The following CDH22 variants were observed in gnomAD, a reference collection of about 807,000 sequenced individuals.
CDH22 encodes cadherin 22, also known as cadherin-22.
A neutral mutation model predicts 58.4 loss-of-function variants in CDH22; 30 were observed. That is an observed-to-expected ratio of 0.51 (90% CI 0.38 to 0.70). CDH22 has a LOEUF of 0.70. Among genes scored for constraint, CDH22 ranks in the 30% least tolerant of loss-of-function variants. The pLI is 0.00. For missense variants in CDH22, 1,014 were observed against 1,233.9 expected, an observed-to-expected ratio of 0.82 and a Z score of 2.67; for synonymous variants, 513 against 558.2, an observed-to-expected ratio of 0.92 and a Z score of 1.14.
intron 3 of CDH22, among the ~76,000 whole-genome samples, chr20:46,238,169 A>T (rs2086266982): frequency 6.6e-6 from 1 of 152,066 alleles, no homozygotes; most frequent in Admixed American, 6.5e-5. Flanking sequence ...AGTCCTTCAG[A>T]TGGGGCTCCT....
chr20:46,181,756 T>TTCC (rs1410990843), intron 10 of CDH22, among the ~76,000 whole-genome samples: 429 of 27,586 alleles, frequency 0.016, 2 homozygotes, highest in Middle Eastern at 0.059. Flanking sequence ...TCCTTCCTTC[T>TTCC]TTCTTTCTTT....
At chr20:46,203,733 C>A (rs2085978404) in intron 7 of CDH22, among the ~76,000 whole-genome samples, 1 of 152,150 alleles carries the variant, frequency 6.6e-6, no homozygotes, top group Non-Finnish European at 1.5e-5. Flanking sequence ...GGAGTCCCCC[C>A]AACCCAGTGT....
intron 1 of CDH22, among the ~76,000 whole-genome samples, chr20:46,280,774 C>T (rs1286122764): frequency 6.6e-6 from 1 of 152,254 alleles, no homozygotes; most frequent in Non-Finnish European, 1.5e-5. Flanking sequence ...TTGCAGGTTG[C>T]TGCGGGCAAA....
intron 3 of CDH22, among the ~76,000 whole-genome samples, chr20:46,240,047 A>G (rs1414039513): frequency 1.3e-5 from 2 of 151,528 alleles, no homozygotes; most frequent in South Asian, 2.1e-4. Context: ...ATACCCAGGT[A>G]AGTGCAACTG....
Position 46,186,891 on chromosome 20 carries a change from C to A in CDH22, c.1480G>T (p.Asp494Tyr). ...SLRIRILDVNDNPPELATPYE... is the reference protein window; with the variant it reads ...SLRIRILDVNYNPPELATPYE... Reference sequence around the variant, plus strand: ...GGTGTGGCCAGTTCTGGGGGATTGTCGTTCACATCCAGGATTCGGATCCTT... The same window carrying A: ...GGTGTGGCCAGTTCTGGGGGATTGTAGTTCACATCCAGGATTCGGATCCTT... Residue 494 changes from aspartate to tyrosine, a missense_variant, in exon 9 of 12, where the codon GAC becomes TAC. This residue lies in a region of CDH22 where 806 missense variants were observed against 1,038.7 expected (regional missense o/e 0.78). Coordinates refer to ENST00000537909, the MANE Select transcript of CDH22 (RefSeq NM_021248.3). 1 of 1,611,906 alleles carries A rather than the reference C, an allele frequency of 6.2e-7. No homozygotes were observed. Among genetic ancestry groups the A allele is most frequent in the Non-Finnish European group, 8.5e-7 (1 of 1,178,936 alleles).
At chr20:46,307,982 G>C (rs2059031635) in intron 1 of CDH22, among the ~76,000 whole-genome samples, 1 of 151,838 alleles carries the variant, frequency 6.6e-6, no homozygotes, top group Non-Finnish European at 1.5e-5. Context: ...AGGTTGTGGG[G>C]ACGGGTGGGA....
At chr20:46,306,889 C>A (rs148166185) in intron 1 of CDH22, among the ~76,000 whole-genome samples, 2 of 152,116 alleles carry the variant, frequency 1.3e-5, no homozygotes, top group Admixed American at 1.3e-4. Flanking sequence ...GACAGAGAGT[C>A]GCGGTGGTTA....
chr20:46,305,023 C>A (rs2086668066), intron 1 of CDH22, among the ~76,000 whole-genome samples: 1 of 152,230 alleles, frequency 6.6e-6, no homozygotes, highest in Admixed American at 6.5e-5. Flanking sequence ...GGACAGTCAA[C>A]AACCTGCCCA....
intron 3 of CDH22, 44 bp from the exon 4 acceptor site, chr20:46,227,671 C>T (rs573813430): frequency 3.6e-5 from 57 of 1,572,124 alleles, no homozygotes; most frequent in Non-Finnish European, 3.9e-5. Flanking sequence ...TCTGGGGCTG[C>T]GGAGCTCGTT....
chr20:46,223,666 CTTCTTTCTTTCTTTCT>C (rs369876048), intron 4 of CDH22, among the ~76,000 whole-genome samples: 2,186 of 115,530 alleles, frequency 0.019, 34 homozygotes, highest in Non-Finnish European at 0.028. Flanking sequence ...TTTTTCTTTC[CTTCTTTCTTTCTTTCT>C]TTCTTTCTTT....
At chr20:46,260,187 CT>C (rs2086426428) in intron 1 of CDH22, among the ~76,000 whole-genome samples, 1 of 152,210 alleles carries the variant, frequency 6.6e-6, no homozygotes, top group South Asian at 2.1e-4. Context: ...TAAGGAGGAC[CT>C]TTTTGTTTTC....
chr20:46,212,860 C>G lies in CDH22; in HGVS notation c.1032+135G>C, dbSNP rs78538231. The G allele has an allele frequency of 1.1e-3, 753 of 679,850 alleles. 5 individuals are homozygous for G. The African/African-American group carries it at 0.012, about 11-fold the overall frequency. 42.1% of individuals were successfully genotyped at this position (679,850 alleles called of 1,614,324 possible). On this transcript the variant is annotated intron_variant, in intron 6 of 11. Transcript: ENST00000537909. ...GGGAATGATACCATCAGTGTTTTTC[C>G]AGGTTGGTCCTGGACCTCTAGAGAG...
Position 46,213,042 on chromosome 20 carries a change from C to T in CDH22, c.985G>A (p.Val329Ile), listed in dbSNP as rs1426388661. ...TCCTGAGTGTCGCTGTCTGTGGTGA[C>T]CTTGAACACATCGCCGCCGCTGCTG... ...ESSSGGDVFK[V>I]TTDSDTQEAI... The change falls in exon 6 of 12, where the codon GTC (valine) becomes ATC (isoleucine). Residue 329 changes from valine (V) to isoleucine (I), a missense_variant. By Grantham distance (29) the Val-to-Ile change is conservative. This residue lies in a region of CDH22 where 806 missense variants were observed against 1,038.7 expected (regional missense o/e 0.78). Transcript: ENST00000537909. 6.2e-7 allele frequency: 1 copy of T among 1,614,060 alleles called. No individual in the cohort carries two copies. The highest frequency in any genetic ancestry group is 8.5e-7 in the Non-Finnish European group (1 of 1,180,038).
At position 46,255,962 on chromosome 20, in the gene CDH22, C is replaced by A. The variant is rs534667699; in HGVS notation, c.-399-4269G>T. On this transcript the variant is annotated intron_variant, in intron 1 of 11. Transcript: ENST00000537909. The stretch of plus-strand genomic sequence containing the variant: ...AATGGGATTAAAAACTGAGCCCAGG[C>A]CTGGCTCAATAAATGTTGGCTCTGC... Among the ~76,000 whole-genome samples the A allele has an allele frequency of 3.3e-5, 5 of 152,300 alleles. No homozygotes were observed. In the East Asian group the frequency reaches 5.8e-4, roughly 18 times the overall value.
intron 3 of CDH22, 142 bp from the exon 4 acceptor site, chr20:46,227,769 C>T: frequency 8.2e-7 from 1 of 1,222,774 alleles, no homozygotes; most frequent in Non-Finnish European, 1.1e-6. Flanking sequence ...CCTCACGGTC[C>T]CCATCCCCAC....
At chr20:46,249,971 G>C (rs1461026475) in intron 2 of CDH22, among the ~76,000 whole-genome samples, 3 of 152,180 alleles carry the variant, frequency 2.0e-5, no homozygotes, top group Non-Finnish European at 2.9e-5. Context: ...TCAGTGCCTG[G>C]TGCTGACTCA....
Position 46,174,812 on chromosome 20 carries a change from G to C in CDH22, c.2181C>G (p.Pro727=). 6.8e-7 allele frequency: 1 copy of C among 1,474,718 alleles called. No individual in the cohort carries two copies. The highest frequency in any genetic ancestry group is 8.9e-7 in the Non-Finnish European group (1 of 1,117,504). 91.4% of individuals were successfully genotyped at this position (1,474,718 alleles called of 1,614,324 possible). Residue 727 remains proline (P), a synonymous_variant, in exon 12 of 12, where the codon CCC becomes CCG. Transcript: ENST00000537909. This position sits in a 1 kb window ranked among gnomAD's most constrained non-coding sequence, Gnocchi z 4.4. ...CCTGCGGCAGCGAGTGGCGCTCGGA[G>C]GGCAGGTGGGCCTGCGGGGGGCTGC... is the stretch of plus-strand genomic sequence containing the variant. The part of the protein sequence containing the change: ...GAGSPPQAHL[P]SERHSLPQGP...
At position 46,264,407 on chromosome 20, in the gene CDH22, G is replaced by A. The variant is rs375552928; in HGVS notation, c.-399-12714C>T. Among the ~76,000 whole-genome samples the A allele has an allele frequency of 1.4e-4, 22 of 152,290 alleles. No homozygotes were observed. In the South Asian group the frequency reaches 2.3e-3, roughly 16 times the overall value. ...AATAATGATAGATAACATTTATAGCGCTTTTACTATGTGCCAGGCATGGTG... is the reference window on the plus strand; with the variant it reads ...AATAATGATAGATAACATTTATAGCACTTTTACTATGTGCCAGGCATGGTG... On this transcript the variant is annotated intron_variant, in intron 1 of 11. Coordinates refer to ENST00000537909, the MANE Select transcript of CDH22 (RefSeq NM_021248.3).
At chr20:46,213,253 G>T in intron 5 of CDH22, 65 bp from the exon 6 acceptor site, 1 of 1,313,876 alleles carries the variant, frequency 7.6e-7, no homozygotes, top group Non-Finnish European at 1.1e-6. Context: ...GCCAGCAGTG[G>T]GGGAGGGGAC....
Sources: gnomAD v4.1 joint callset for allele counts (sites outside exome capture counted in the v4.1 genomes callset) on GRCh38, gnomAD v4.1.1 for gene constraint, gnomAD v4.1.1 regional missense constraint, Gnocchi (gnomAD v3.1) non-coding constraint, MANE v1.5 for transcripts, NCBI Gene and HGNC (gene_info 2026-07-23, HGNC 2026-07-21) for gene names.